PCDH15: variants seen among roughly 807,000 people sequenced by gnomAD.
PCDH15 encodes protocadherin related 15.
Under a neutral mutation model 178.5 loss-of-function variants are expected in PCDH15, and 129 were observed. The observed-to-expected ratio is 0.72, with a 90% confidence interval of 0.63 to 0.84. PCDH15 has a LOEUF of 0.84. PCDH15 is among the 40% of genes least tolerant of loss of function. The probability of loss-of-function intolerance (pLI) is 0.00; values close to 1 mark genes in which losing one functional copy is unlikely to be tolerated. For synonymous variants in PCDH15, 800 were observed against 732.0 expected, an observed-to-expected ratio of 1.09 and a Z score of -1.50; for missense variants, 2,230 against 2,099.9, an observed-to-expected ratio of 1.06 and a Z score of -1.21.
chr10:54,339,997 A>T (rs1389413675), intron 6 of PCDH15, among the ~76,000 whole-genome samples: 1 of 152,146 alleles, frequency 6.6e-6, no homozygotes, highest in Non-Finnish European at 1.5e-5. Flanking sequence ...CAACTGCAAG[A>T]CCTCATTGCA....
chr10:55,559,337 TG>T (rs534346166), intron 2 of PCDH15, among the ~76,000 whole-genome samples: 136 of 152,208 alleles, frequency 8.9e-4, no homozygotes, highest in African/African-American at 3.1e-3. Context: ...TAACAACTTT[TG>T]TTACATTAAT....
chr10:54,545,016 C>A (rs1387754027), intron 2 of PCDH15, among the ~76,000 whole-genome samples: 2 of 152,176 alleles, frequency 1.3e-5, no homozygotes, highest in East Asian at 3.9e-4. Flanking sequence ...CCTCTAATCA[C>A]AAATGTCTGT....
intron 2 of PCDH15, among the ~76,000 whole-genome samples, chr10:55,387,201 A>G (rs1378252898): frequency 6.6e-6 from 1 of 152,082 alleles, no homozygotes; most frequent in Non-Finnish European, 1.5e-5. Flanking sequence ...GGATATTTTC[A>G]TGGCTGAATT....
At chr10:54,506,333 G>A (rs2081162621) in intron 3 of PCDH15, among the ~76,000 whole-genome samples, 1 of 151,830 alleles carries the variant, frequency 6.6e-6, no homozygotes, top group African/African-American at 2.4e-5. Flanking sequence ...TAATTCAAAA[G>A]TACTCTACCT....
At chr10:54,436,744 A>G (rs2488048) in intron 3 of PCDH15, among the ~76,000 whole-genome samples, 3,593 of 152,340 alleles carry the variant, frequency 0.024, 154 homozygotes, top group African/African-American at 0.082. Context: ...GAATTTATTA[A>G]GTACCTACTA....
chr10:54,722,215 T>C (rs1316230979), intron 1 of PCDH15, among the ~76,000 whole-genome samples: 4 of 151,648 alleles, frequency 2.6e-5, no homozygotes, highest in Non-Finnish European at 5.9e-5. Flanking sequence ...GAAACATACC[T>C]CAATATAATA....
chr10:54,784,943 C>T (rs1206304573), intron 1 of PCDH15, among the ~76,000 whole-genome samples: 1 of 151,920 alleles, frequency 6.6e-6, no homozygotes, highest in East Asian at 1.9e-4. Context: ...GCATACTGAA[C>T]CCATTAATGG....
At chr10:53,958,123 TATTA>T (rs1390660063) in intron 23 of PCDH15, among the ~76,000 whole-genome samples, 2 of 152,196 alleles carry the variant, frequency 1.3e-5, no homozygotes, top group African/African-American at 2.4e-5. Context: ...AGCTTAAAAT[TATTA>T]ATTCATTCTA....
chr10:54,366,956 C>G (rs1192836107), intron 5 of PCDH15, among the ~76,000 whole-genome samples: 1 of 152,168 alleles, frequency 6.6e-6, no homozygotes, highest in South Asian at 2.1e-4. Flanking sequence ...AAGATCAAAT[C>G]TTTACCTTTC....
At position 55,463,899 on chromosome 10, in the gene PCDH15, G is replaced by GAGAA. The variant is rs71014491; in HGVS notation, c.-156+163722_-156+163725dup. Among the ~76,000 whole-genome samples, 348 of 47,384 alleles carry GAGAA rather than the reference G, an allele frequency of 7.3e-3. 11 individuals carry two copies. Among genetic ancestry groups the GAGAA allele is most frequent in the Middle Eastern group, 0.035 (3 of 86 alleles). The allele number at this position is 47,384 out of a possible 152,430, so 31.1% of individuals were successfully genotyped here. On this transcript the variant is annotated intron_variant, in intron 2 of 5. Coordinates refer to the PCDH15 transcript ENST00000613346. Reference sequence around the variant, plus strand: ...AGAGAGAGAAAGAGAGGGAGAGAGAGAGAAAGAAAGAAAGAAAGAAAGAAA... The same window carrying GAGAA: ...AGAGAGAGAAAGAGAGGGAGAGAGAGAGAAAGAAAGAAAGAAAGAAAGAAAGAAA...
At chr10:55,006,826 C>T (rs981462237) in intron 2 of PCDH15, among the ~76,000 whole-genome samples, 17 of 152,148 alleles carry the variant, frequency 1.1e-4, no homozygotes, top group African/African-American at 3.4e-4. Context: ...GGCCTGTAGC[C>T]TCTTTCTTTT....
At chr10:54,000,830 TA>T (rs2092097197) in intron 20 of PCDH15, among the ~76,000 whole-genome samples, 1 of 152,048 alleles carries the variant, frequency 6.6e-6, no homozygotes, top group Non-Finnish European at 1.5e-5. Flanking sequence ...AATATCCAAG[TA>T]CAAAAGATTA....
intron 3 of PCDH15, among the ~76,000 whole-genome samples, chr10:54,397,253 A>T (rs113934223): frequency 0.018 from 2,773 of 152,074 alleles, 94 homozygotes; most frequent in African/African-American, 0.063. Context: ...GTCTTAAAAA[A>T]CTTGGAGACA....
At position 53,933,394 on chromosome 10, in the gene PCDH15, A is replaced by G. The variant is rs536722649; in HGVS notation, c.3373+5421T>C. Among the ~76,000 whole-genome samples the G allele has an allele frequency of 1.1e-3, 159 of 151,236 alleles. 1 individual carries two copies. Among genetic ancestry groups the G allele is most frequent in the African/African-American group, 3.6e-3 (148 of 41,058 alleles). On this transcript the variant is annotated intron_variant, in intron 25 of 37. Transcript: ENST00000644397. ...TGTGTCCATGTGTTCTCATTGTTCA[A>G]TTCCCACCTATGAGTGAGAACATGT...
At chr10:54,667,954 T>C (rs1475849633) in intron 1 of PCDH15, among the ~76,000 whole-genome samples, 1 of 152,076 alleles carries the variant, frequency 6.6e-6, no homozygotes, top group East Asian at 1.9e-4. Flanking sequence ...ATATTACACG[T>C]AAGTGGTTTG....
In PCDH15 at chr10:54,741,910, A is replaced by C. The variant is rs540296035; in HGVS notation, c.-29+59015T>G. On this transcript the variant is annotated intron_variant, in intron 1 of 37. Transcript: ENST00000644397. ...AGTGGTAATCCTAACTCAATCTTCAACTTTAATTCCCACTTACCATGGGCT... is the reference window on the plus strand; with the variant it reads ...AGTGGTAATCCTAACTCAATCTTCACCTTTAATTCCCACTTACCATGGGCT... 9.2e-5 allele frequency among the ~76,000 whole-genome samples: 14 copies of C among 152,114 alleles called. No homozygotes were observed. In the South Asian group the frequency reaches 2.5e-3, roughly 27 times the overall value.
chr10:55,541,767 T>C (rs1004248131), intron 2 of PCDH15, among the ~76,000 whole-genome samples: 1 of 151,922 alleles, frequency 6.6e-6, no homozygotes, highest in Non-Finnish European at 1.5e-5. Flanking sequence ...ATTCAGTTAA[T>C]TACATTTTCA....
chr10:54,753,891 T>G (rs1394254790), intron 1 of PCDH15, among the ~76,000 whole-genome samples: 2 of 20,030 alleles, frequency 1.0e-4, no homozygotes, highest in Non-Finnish European at 2.5e-4. Flanking sequence ...TTTGTTTGTT[T>G]GTGTTTTTTT....
intron 2 of PCDH15, among the ~76,000 whole-genome samples, chr10:55,600,604 C>A (rs771412610): frequency 1.2e-4 from 19 of 152,066 alleles, no homozygotes; most frequent in Non-Finnish European, 2.6e-4. Flanking sequence ...ATTAAGGGAT[C>A]ATTTGTTCAA....
Sources: gnomAD v4.1 joint callset for allele counts (sites outside exome capture counted in the v4.1 genomes callset) on GRCh38, gnomAD v4.1.1 for gene constraint, MANE v1.5 for transcripts, NCBI Gene and HGNC (gene_info 2026-07-23, HGNC 2026-07-21) for gene names.